The following SLC4A4 variants were observed in gnomAD, a reference collection of about 807,000 sequenced individuals.
The protein encoded by SLC4A4 is solute carrier family 4 member 4, also known as electrogenic sodium bicarbonate cotransporter 1.
Under a neutral mutation model 111.5 loss-of-function variants are expected in SLC4A4, and 27 were observed. The ratio of observed to expected loss-of-function variants is 0.24; its 90% CI spans 0.18 to 0.33. SLC4A4 has a LOEUF of 0.33. SLC4A4 is among the 10% of genes least tolerant of loss of function. The pLI, the probability that SLC4A4 is intolerant of heterozygous loss-of-function variation, is 1.00. For synonymous variants in SLC4A4, 443 were observed against 463.4 expected (o/e 0.96, Z 0.57); for missense variants, 909 against 1,315.5 (o/e 0.69, Z 4.78).
At chr4:71,170,585 T>G (rs1258190070) in intron 2 of SLC4A4, among the ~76,000 whole-genome samples, 1 of 152,242 alleles carries the variant, frequency 6.6e-6, no homozygotes, top group African/African-American at 2.4e-5. Context: ...ATTTATTAAT[T>G]GTTTTATTTA....
intron 7 of SLC4A4, among the ~76,000 whole-genome samples, chr4:71,426,736 T>A (rs140530999): frequency 7.2e-5 from 11 of 152,260 alleles, no homozygotes; most frequent in African/African-American, 2.6e-4. Flanking sequence ...AAGGTTATAT[T>A]ATATTTATCT....
intron 18 of SLC4A4, among the ~76,000 whole-genome samples, chr4:71,536,981 T>C (rs1560598896): frequency 1.3e-5 from 2 of 151,866 alleles, no homozygotes; most frequent in African/African-American, 2.4e-5. Context: ...CTTATATGTA[T>C]ATGTATATGT....
intron 12 of SLC4A4, among the ~76,000 whole-genome samples, chr4:71,455,287 G>A (rs1726131501): frequency 6.6e-6 from 1 of 152,152 alleles, no homozygotes. Context: ...CATGGGTTAT[G>A]AGAACCAACT....
At chr4:71,447,161 C>G (rs1193510810) in intron 8 of SLC4A4, among the ~76,000 whole-genome samples, 1 of 152,206 alleles carries the variant, frequency 6.6e-6, no homozygotes, top group Non-Finnish European at 1.5e-5. Flanking sequence ...TGCTGATTCC[C>G]AGTCACTTCT....
At chr4:71,247,498 C>A (rs1269244117) in intron 2 of SLC4A4, among the ~76,000 whole-genome samples, 1 of 152,024 alleles carries the variant, frequency 6.6e-6, no homozygotes, top group Non-Finnish European at 1.5e-5. Context: ...AAAAGAGAAG[C>A]CATAATAGAG....
At chr4:71,404,631 A>G (rs372153448) in intron 7 of SLC4A4, among the ~76,000 whole-genome samples, 1 of 152,282 alleles carries the variant, frequency 6.6e-6, no homozygotes, top group East Asian at 1.9e-4. Flanking sequence ...CTCTCACATC[A>G]CAAGTTACTT....
chr4:71,176,812 T>C (rs1471348374), intron 2 of SLC4A4, among the ~76,000 whole-genome samples: 1 of 152,022 alleles, frequency 6.6e-6, no homozygotes, highest in Non-Finnish European at 1.5e-5. Flanking sequence ...ACATTCAAAT[T>C]CAGGAAATAC....
intron 2 of SLC4A4, among the ~76,000 whole-genome samples, chr4:71,238,773 G>A (rs552027537): frequency 3.0e-4 from 45 of 152,086 alleles, no homozygotes; most frequent in Non-Finnish European, 5.7e-4. Context: ...TTAATTTGGT[G>A]TTCTCCCAAT....
At chr4:71,291,507 A>G (rs1411155894) in intron 3 of SLC4A4, among the ~76,000 whole-genome samples, 2 of 152,014 alleles carry the variant, frequency 1.3e-5, no homozygotes, top group South Asian at 2.1e-4. Flanking sequence ...TGGCAAAATC[A>G]TAGCTCACTG....
rs138059694 is a variant in SLC4A4, at chr4:71,068,061, C to CTTT, written c.-65+5273_-65+5274insTTT. Among the ~76,000 whole-genome samples the CTTT allele has an allele frequency of 4.5e-4, 60 of 132,362 alleles. 10 individuals carry two copies. Among genetic ancestry groups the CTTT allele is most frequent in the South Asian group, 4.6e-4 (2 of 4,380 alleles). The allele number at this position is 132,362 out of a possible 152,430, so 86.8% of individuals were successfully genotyped here. A position where few individuals can be genotyped will look rare whatever the true frequency, so the allele number is the denominator to read the frequency against. ...ACTGCATATGGCCTTTTTGAACAAA[C>CTTT]GTTTTTTTTTTTTTTTTTTTGAGAT... On this transcript the variant is annotated intron_variant, in intron 1 of 26. Transcript: ENST00000649996.
chr4:71,206,809 T>G (rs1390588633), intron 1 of SLC4A4, among the ~76,000 whole-genome samples: 1 of 151,368 alleles, frequency 6.6e-6, no homozygotes, highest in African/African-American at 2.4e-5. Context: ...ATTATTATTA[T>G]TATTATTATT....
At chr4:71,305,013 A>G (rs961252642) in intron 3 of SLC4A4, among the ~76,000 whole-genome samples, 2 of 152,246 alleles carry the variant, frequency 1.3e-5, no homozygotes, top group Non-Finnish European at 2.9e-5. Context: ...GCAGAATCTT[A>G]TTTGATGGGA....
intron 3 of SLC4A4, among the ~76,000 whole-genome samples, chr4:71,268,472 C>A (rs563648907): frequency 6.6e-6 from 1 of 152,148 alleles, no homozygotes; most frequent in South Asian, 2.1e-4. Context: ...GTGTTTATGG[C>A]GATTTATACT....
intron 3 of SLC4A4, among the ~76,000 whole-genome samples, chr4:71,322,395 A>G (rs992672726): frequency 6.6e-6 from 1 of 151,988 alleles, no homozygotes; most frequent in Non-Finnish European, 1.5e-5. Flanking sequence ...CTTCTTTTGT[A>G]TGTGAAAGCA....
chr4:71,164,524 C>T (rs1047920429), intron 2 of SLC4A4, among the ~76,000 whole-genome samples: 9 of 144,258 alleles, frequency 6.2e-5, no homozygotes, highest in Non-Finnish European at 3.0e-5. Context: ...TGTTAGTTTA[C>T]TTTGTGGAAA....
At chr4:71,105,336 G>A (rs1228599473) in intron 2 of SLC4A4, among the ~76,000 whole-genome samples, 1 of 149,164 alleles carries the variant, frequency 6.7e-6, no homozygotes, top group East Asian at 2.0e-4. Context: ...CGTGAAAATG[G>A]CCATACTGCC....
Position 71,563,801 on chromosome 4 carries a change from C to G in SLC4A4, c.3108C>G (p.Cys1036Trp). ...SLDSDNDDSD[C>W]PYSEKVPSIK... ...GTACATTTTTTTCACAGTCTGACTGCCCATACTCAGAAAAAGTTCCAAGTA... is the reference window on the plus strand; with the variant it reads ...GTACATTTTTTTCACAGTCTGACTGGCCATACTCAGAAAAAGTTCCAAGTA... The change falls in exon 24 of 26, where the codon TGC becomes TGG. Residue 1036 changes from cysteine (C) to tryptophan (W), a missense_variant. Physicochemically the swap from Cys to Trp is radical, Grantham distance 215 (BLOSUM62 -2). Around this residue, in one of 7 missense-constraint regions of SLC4A4, gnomAD observed 85 missense variants for 79.8 expected, o/e 1.07. Transcript: ENST00000264485. 6.2e-7 allele frequency: 1 copy of G among 1,601,746 alleles called. No individual in the cohort carries two copies.
rs559020794 is a variant in SLC4A4, at chr4:71,472,155, T to C, written c.1632-544T>C. 2.5e-4 allele frequency among the ~76,000 whole-genome samples: 38 copies of C among 152,106 alleles called. No individual in the cohort carries two copies. The South Asian group carries it at 7.7e-3, about 31-fold the overall frequency. ...TTCTACTACTTATCCTTGAACACCT[T>C]GAATTTTTTCTGCGACTTCATCTTT... On this transcript the variant is annotated intron_variant, in intron 13 of 25. Transcript: ENST00000264485.
chr4:71,295,256 G>A lies in SLC4A4; in HGVS notation c.253+39857G>A, dbSNP rs555563390. 4.8e-4 allele frequency among the ~76,000 whole-genome samples: 73 copies of A among 152,208 alleles called. 1 individual carries two copies. Among genetic ancestry groups the A allele is most frequent in the South Asian group, 2.9e-3 (14 of 4,820 alleles). ...CCATGATACTCTAACTCACAGGAAC[G>A]GAACTGTTGCTGTATCTCTCTATAC... On this transcript the variant is annotated intron_variant, in intron 3 of 25. Transcript: ENST00000264485.
Sources: gnomAD v4.1 joint callset for allele counts (sites outside exome capture counted in the v4.1 genomes callset) on GRCh38, gnomAD v4.1.1 for gene constraint, gnomAD v4.1.1 regional missense constraint, MANE v1.5 for transcripts, NCBI Gene and HGNC (gene_info 2026-07-23, HGNC 2026-07-21) for gene names.